The following TRIM24 variants were observed in gnomAD, a reference collection of about 807,000 sequenced individuals.
TRIM24 encodes tripartite motif containing 24.
In TRIM24, 29 loss-of-function variants were observed where a neutral mutation model predicts 123.9. The observed-to-expected ratio is 0.23, with a 90% CI of 0.17 to 0.32. TRIM24 has a LOEUF of 0.32. Among genes scored for constraint, TRIM24 ranks in the 10% least tolerant of loss-of-function variants. The pLI is 1.00. For missense variants in TRIM24, 932 were observed against 1,295.3 expected, an observed-to-expected ratio of 0.72 and a Z score of 4.31; for synonymous variants, 456 against 461.1, an observed-to-expected ratio of 0.99 and a Z score of 0.14.
intron 1 of TRIM24, chr7:138,461,179 GC>G (rs780084529): frequency 4.3e-6 from 3 of 698,396 alleles, no homozygotes; most frequent in South Asian, 4.1e-5. Context: ...CAGCCGGGCG[GC>G]CCCTGCCACT....
chr7:138,477,921 T>C (rs1028789579), intron 1 of TRIM24, among the ~76,000 whole-genome samples: 1 of 152,146 alleles, frequency 6.6e-6, no homozygotes. Flanking sequence ...TTGAAAAGGG[T>C]TTGCAGTTCT....
rs1554445378 is a variant in TRIM24 at position 138,578,563 on chromosome 7, T to TGCGC, written c.2257-638_2257-635dup. Among the ~76,000 whole-genome samples, 252 of 145,074 alleles carry TGCGC rather than the reference T, an allele frequency of 1.7e-3. 3 individuals are homozygous for TGCGC. Among genetic ancestry groups the TGCGC allele is most frequent in the African/African-American group, 6.2e-3 (238 of 38,254 alleles). The stretch of plus-strand genomic sequence containing the variant: ...GTGTGTGTGTGTGTGTGTGTGTGTG[T>TGCGC]GCGCGCACGCACGAATGGAAGCAGG... On this transcript the variant is annotated intron_variant, in intron 14 of 18. Coordinates refer to ENST00000343526, the MANE Select transcript of TRIM24 (RefSeq NM_015905.3).
chr7:138,495,387 G>C (rs1485166309), intron 1 of TRIM24, among the ~76,000 whole-genome samples: 1 of 152,076 alleles, frequency 6.6e-6, no homozygotes, highest in East Asian at 1.9e-4. Flanking sequence ...TTCAACTAAT[G>C]CATCTTAGTC....
intron 1 of TRIM24, among the ~76,000 whole-genome samples, chr7:138,482,113 C>T (rs1038157168): frequency 3.3e-5 from 5 of 152,164 alleles, no homozygotes; most frequent in Admixed American, 6.6e-5. Flanking sequence ...ACCAGGGCCA[C>T]ACTTTTTTTT....
At chr7:138,461,092 C>A (rs1322573262) in intron 1 of TRIM24, 180 bp downstream of exon 1, 1 of 761,536 alleles carries the variant, frequency 1.3e-6, no homozygotes, top group South Asian at 1.4e-5. Flanking sequence ...TGCGGCGTGT[C>A]GCGCTCGGCC....
chr7:138,585,130 G>A lies in TRIM24; in HGVS notation c.*179G>A. On this transcript the variant is annotated 3_prime_UTR_variant, in exon 19 of 19. Transcript: ENST00000343526. ...ATTTCTGTTAACCTCTTATCACTAA[G>A]AAAGAAAGGAAAGAAGGAGATGAAT... is the stretch of plus-strand genomic sequence containing the variant. 1 of 417,840 alleles carries A rather than the reference G, an allele frequency of 2.4e-6. No individual in the cohort carries two copies. Among genetic ancestry groups the A allele is most frequent in the South Asian group, 7.5e-5 (1 of 13,402 alleles). 25.9% of individuals were successfully genotyped at this position (417,840 alleles called of 1,614,324 possible).
intron 1 of TRIM24, among the ~76,000 whole-genome samples, chr7:138,475,430 T>C (rs1795376027): frequency 6.6e-6 from 1 of 152,168 alleles, no homozygotes; most frequent in Non-Finnish European, 1.5e-5. Context: ...ATTGAGACCA[T>C]ATAGTGATAT....
chr7:138,554,272 T>G lies in TRIM24; in HGVS notation c.1262-426T>G, dbSNP rs1229540396. Among the ~76,000 whole-genome samples, 3 of 152,196 alleles carry G rather than the reference T, an allele frequency of 2.0e-5. No homozygotes were observed. Among genetic ancestry groups the G allele is most frequent in the Non-Finnish European group, 4.4e-5 (3 of 68,042 alleles). On this transcript the variant is annotated intron_variant, in intron 8 of 18. Coordinates refer to ENST00000343526, the MANE Select transcript of TRIM24 (RefSeq NM_015905.3). The surrounding 1 kb of genome is among the most constrained non-coding windows in gnomAD (Gnocchi z 4.5). ...CTGCCATACAGTGAGACTGAAATTT[T>G]TTTCATATATTTTAACTTAACAATA...
At chr7:138,509,343 C>T (rs1008587996) in intron 2 of TRIM24, among the ~76,000 whole-genome samples, 5 of 147,986 alleles carry the variant, frequency 3.4e-5, no homozygotes, top group Non-Finnish European at 7.4e-5. Flanking sequence ...ATATTATATG[C>T]ATAATTTATA....
intron 1 of TRIM24, among the ~76,000 whole-genome samples, chr7:138,467,089 G>C (rs1795159458): frequency 6.6e-6 from 1 of 152,032 alleles, no homozygotes. Context: ...TCTGTGTGTG[G>C]TCTGTTCTTT....
At chr7:138,541,579 G>A (rs1584729325) in intron 7 of TRIM24, among the ~76,000 whole-genome samples, 1 of 152,154 alleles carries the variant, frequency 6.6e-6, no homozygotes, top group African/African-American at 2.4e-5. Flanking sequence ...CGTAGATTTA[G>A]GATAATTCTT....
chr7:138,504,700 TC>T (rs1796113204), intron 2 of TRIM24, among the ~76,000 whole-genome samples: 1 of 151,842 alleles, frequency 6.6e-6, no homozygotes, highest in African/African-American at 2.4e-5. Context: ...GACCTCTTGA[TC>T]CGCCCATCTC....
Position 138,570,819 on chromosome 7 carries a change from T to G in TRIM24, c.1705-11T>G. 6.2e-7 allele frequency: 1 copy of G among 1,613,396 alleles called. No individual in the cohort carries two copies. The highest frequency in any genetic ancestry group is 8.5e-7 in the Non-Finnish European group (1 of 1,179,676). ...TTGATAGCCTTTGTTCTTCTCTTCTTGTTACTGTAGTGGCAGATCAGCAGT... is the reference window on the plus strand; with the variant it reads ...TTGATAGCCTTTGTTCTTCTCTTCTGGTTACTGTAGTGGCAGATCAGCAGT... On this transcript the variant is annotated splice_polypyrimidine_tract_variant and intron_variant, in intron 10 of 18. Coordinates refer to ENST00000343526, the MANE Select transcript of TRIM24 (RefSeq NM_015905.3).
chr7:138,473,829 T>C (rs1444486457), intron 1 of TRIM24, among the ~76,000 whole-genome samples: 18 of 152,208 alleles, frequency 1.2e-4, no homozygotes, highest in Non-Finnish European at 1.5e-5. Flanking sequence ...CCTCTTAAAG[T>C]TGACAGTCAT....
chr7:138,488,050 CTTCTTCCTGGT>C (rs560880843), intron 1 of TRIM24, among the ~76,000 whole-genome samples: 65 of 152,222 alleles, frequency 4.3e-4, no homozygotes, highest in African/African-American at 1.5e-3. Context: ...AGGGATTCAA[CTTCTTCCTGGT>C]TTAGTCTTGG....
At chr7:138,525,132 A>G in intron 4 of TRIM24, 109 bp from the exon 5 acceptor site, 2 of 502,790 alleles carry the variant, frequency 4.0e-6, no homozygotes, top group Non-Finnish European at 6.8e-6. Context: ...TTAAAAGATT[A>G]TTATATAAAT....
At position 138,585,603 on chromosome 7, in the gene TRIM24, T is replaced by TTTTG; in HGVS notation, c.*656_*659dup. ...CGGAAAACAAATGTTTGATTTTTGT[T>TTTTG]TTTGTTTTTATCTTGTCTGTAGAGG... On this transcript the variant is annotated 3_prime_UTR_variant, in exon 19 of 19. Transcript: ENST00000343526. 2 of 322,134 alleles carry TTTTG rather than the reference T, an allele frequency of 6.2e-6. No individual in the cohort carries two copies. The highest frequency in any genetic ancestry group is 5.9e-5 in the South Asian group (2 of 34,030). 20.0% of individuals were successfully genotyped at this position (322,134 alleles called of 1,614,324 possible).
chr7:138,469,932 T>TA (rs1392537865), intron 1 of TRIM24, among the ~76,000 whole-genome samples: 1 of 152,120 alleles, frequency 6.6e-6, no homozygotes, highest in African/African-American at 2.4e-5. Flanking sequence ...CCTCTTGACA[T>TA]ACAGGACCAA....
At chr7:138,528,473 G>A (rs929375781) in intron 5 of TRIM24, among the ~76,000 whole-genome samples, 3 of 152,062 alleles carry the variant, frequency 2.0e-5, no homozygotes, top group Non-Finnish European at 2.9e-5. Context: ...CCTAATACAT[G>A]AAAGCTTGTT....
Sources: gnomAD v4.1 joint callset for allele counts (sites outside exome capture counted in the v4.1 genomes callset) on GRCh38, gnomAD v4.1.1 for gene constraint, Gnocchi (gnomAD v3.1) non-coding constraint, MANE v1.5 for transcripts, NCBI Gene and HGNC (gene_info 2026-07-23, HGNC 2026-07-21) for gene names.